The following ZFYVE28 variants were observed in gnomAD, a reference collection of about 807,000 sequenced individuals.
The protein encoded by ZFYVE28 is zinc finger FYVE-type containing 28.
In ZFYVE28, 40 loss-of-function variants were observed where a neutral mutation model predicts 82.1. The ratio of observed to expected loss-of-function variants is 0.49; its 90% CI spans 0.38 to 0.63. The LOEUF is 0.63. Among genes scored for constraint, ZFYVE28 ranks in the 30% least tolerant of loss-of-function variants. ZFYVE28 has a pLI of 0.00. For missense variants in ZFYVE28, 1,321 were observed against 1,242.1 expected (o/e 1.06, Z -0.96); for synonymous variants, 612 against 546.1 (o/e 1.12, Z -1.68).
intron 8 of ZFYVE28, among the ~76,000 whole-genome samples, chr4:2,274,478 G>A (rs566436217): frequency 6.6e-6 from 1 of 152,202 alleles, no homozygotes; most frequent in Non-Finnish European, 1.5e-5. Flanking sequence ...TCCTGGAATT[G>A]ACAGCTGGTG....
At position 2,366,684 on chromosome 4, in the gene ZFYVE28, G is replaced by A. The variant is rs146993044; in HGVS notation, c.40-12611C>T. Reference sequence around the variant, plus strand: ...CCTCTGCCCCTTGGGGCATGGCAAAGGGCCCCTTTATCACCTCAGTGTAGT... The same window carrying A: ...CCTCTGCCCCTTGGGGCATGGCAAAAGGCCCCTTTATCACCTCAGTGTAGT... On this transcript the variant is annotated intron_variant, in intron 1 of 12. Transcript: ENST00000290974. 4.3e-3 allele frequency among the ~76,000 whole-genome samples: 659 copies of A among 152,320 alleles called. 4 individuals carry two copies. The highest frequency in any genetic ancestry group is 0.015 in the African/African-American group (636 of 41,578).
chr4:2,397,912 G>A (rs1359326792), intron 1 of ZFYVE28, among the ~76,000 whole-genome samples: 1 of 152,048 alleles, frequency 6.6e-6, no homozygotes, highest in African/African-American at 2.4e-5. Context: ...AGGATGTGCG[G>A]AAGGATGTGC....
At chr4:2,403,450 C>G (rs1454206529) in intron 1 of ZFYVE28, among the ~76,000 whole-genome samples, 6 of 152,184 alleles carry the variant, frequency 3.9e-5, no homozygotes, top group Non-Finnish European at 8.8e-5. Context: ...TGGATCGTGG[C>G]GGGAGGACAT....
At position 2,405,394 on chromosome 4, in the gene ZFYVE28, T is replaced by A. The variant is rs892484055; in HGVS notation, c.39+12891A>T. On this transcript the variant is annotated intron_variant, in intron 1 of 12. Coordinates refer to ENST00000290974, the MANE Select transcript of ZFYVE28 (RefSeq NM_020972.3). ...ATTGGACCAAATTTGAGAAGACCAA[T>A]GGGACTTCCTTGGATTTCAGACGCT... 1.3e-3 allele frequency among the ~76,000 whole-genome samples: 196 copies of A among 152,338 alleles called. 2 individuals carry two copies. The highest frequency in any genetic ancestry group is 1.3e-3 in the African/African-American group (56 of 41,578).
intron 1 of ZFYVE28, among the ~76,000 whole-genome samples, chr4:2,398,387 G>A (rs1054915565): frequency 6.6e-6 from 1 of 152,348 alleles, no homozygotes; most frequent in East Asian, 1.9e-4. Context: ...CAGGAGCTAC[G>A]GAGTGGCAGC....
chr4:2,416,695 ACCACACCCAGCGC>A lies in ZFYVE28; in HGVS notation c.39+1577_39+1589del, dbSNP rs1378761554. Among the ~76,000 whole-genome samples, 2 of 152,276 alleles carry A rather than the reference ACCACACCCAGCGC, an allele frequency of 1.3e-5. No individual in the cohort carries two copies. Among genetic ancestry groups the A allele is most frequent in the South Asian group, 2.1e-4 (1 of 4,826 alleles). ...CTGGGCGCAGACGGCTCGGCCCCAA[ACCACACCCAGCGC>A]CAGGAAACGCAAGGCTCGGGACGAA... On this transcript the variant is annotated intron_variant, in intron 1 of 12. Coordinates refer to ENST00000290974, the MANE Select transcript of ZFYVE28 (RefSeq NM_020972.3). This position sits in a 1 kb window ranked among gnomAD's most constrained non-coding sequence, Gnocchi z 4.6.
chr4:2,277,936 G>T (rs1284557176), intron 8 of ZFYVE28, among the ~76,000 whole-genome samples: 2 of 152,226 alleles, frequency 1.3e-5, no homozygotes, highest in African/African-American at 4.8e-5. Flanking sequence ...AATGTGGCAT[G>T]AAAGAGCAGG....
chr4:2,415,583 A>G (rs1732958079), intron 1 of ZFYVE28, among the ~76,000 whole-genome samples: 1 of 152,202 alleles, frequency 6.6e-6, no homozygotes, highest in Non-Finnish European at 1.5e-5. Context: ...ACAAAGTGGG[A>G]AAAAAATTCC....
intron 8 of ZFYVE28, among the ~76,000 whole-genome samples, chr4:2,296,945 GCT>G (rs535747790): frequency 2.6e-5 from 4 of 152,316 alleles, no homozygotes; most frequent in East Asian, 1.9e-4. Context: ...GCCACTGAAG[GCT>G]CTGTCAGCCC....
At chr4:2,395,443 T>G (rs1730336978) in intron 1 of ZFYVE28, among the ~76,000 whole-genome samples, 1 of 152,152 alleles carries the variant, frequency 6.6e-6, no homozygotes, top group Non-Finnish European at 1.5e-5. Flanking sequence ...CCCAGGGGGA[T>G]CCCAACGCTC....
intron 8 of ZFYVE28, among the ~76,000 whole-genome samples, chr4:2,290,291 C>T (rs1455463870): frequency 1.3e-5 from 2 of 152,166 alleles, no homozygotes; most frequent in Non-Finnish European, 1.5e-5. Flanking sequence ...CTGCCTTCTC[C>T]GAGGAGCTGG....
chr4:2,350,899 G>A (rs536660613), intron 2 of ZFYVE28, among the ~76,000 whole-genome samples: 4 of 152,338 alleles, frequency 2.6e-5, no homozygotes, highest in South Asian at 2.1e-4. Flanking sequence ...GACCCTTCCC[G>A]ACCTTAGCCT....
intron 8 of ZFYVE28, 149 bp from the exon 9 acceptor site, chr4:2,274,365 G>A (rs1287943098): frequency 3.9e-6 from 4 of 1,015,636 alleles, no homozygotes; most frequent in Non-Finnish European, 5.6e-6. Flanking sequence ...CAACTTTCCT[G>A]TAACTTCACC....
chr4:2,418,350 G>C lies in ZFYVE28; in HGVS notation c.-27C>G. On this transcript the variant is annotated 5_prime_UTR_variant, in exon 1 of 13. Transcript: ENST00000290974. This position sits in a 1 kb window ranked among gnomAD's most constrained non-coding sequence, Gnocchi z 4.6. The stretch of plus-strand genomic sequence containing the variant: ...GCCGCGCCGGCCCTGGCCGGACTCC[G>C]GGCGGCCCTCGCCCTCCGCAGCGCT... 6.7e-7 allele frequency: 1 copy of C among 1,488,950 alleles called. No homozygotes were observed. The highest frequency in any genetic ancestry group is 9.0e-7 in the Non-Finnish European group (1 of 1,115,636). The allele number at this position is 1,488,950 out of a possible 1,614,324, so 92.2% of individuals were successfully genotyped here.
chr4:2,376,938 T>C (rs1054491681), intron 1 of ZFYVE28, among the ~76,000 whole-genome samples: 1 of 151,740 alleles, frequency 6.6e-6, no homozygotes, highest in Non-Finnish European at 1.5e-5. Context: ...AAAAAATAAA[T>C]AAATAAAATA....
intron 8 of ZFYVE28, among the ~76,000 whole-genome samples, chr4:2,279,643 T>TA (rs1711670752): frequency 1.3e-5 from 2 of 151,384 alleles, no homozygotes; most frequent in African/African-American, 4.9e-5. Flanking sequence ...TAGCCAGGCA[T>TA]GGTGGCGGGC....
intron 1 of ZFYVE28, among the ~76,000 whole-genome samples, chr4:2,364,233 G>C (rs4974679): frequency 0.096 from 14,558 of 152,208 alleles, 765 homozygotes; most frequent in East Asian, 0.12. Context: ...TGCCCACCCG[G>C]CCTGGCTGCA....
intron 8 of ZFYVE28, among the ~76,000 whole-genome samples, chr4:2,281,074 A>G (rs895462862): frequency 6.6e-6 from 1 of 152,174 alleles, no homozygotes; most frequent in Non-Finnish European, 1.5e-5. Context: ...GCCACAGGAA[A>G]GGCCCTCTCC....
rs1011963581 is a variant in ZFYVE28 at position 2,348,581 on chromosome 4, G to A, written c.180+5352C>T. Among the ~76,000 whole-genome samples, 6 of 152,200 alleles carry A rather than the reference G, an allele frequency of 3.9e-5. No individual in the cohort carries two copies. The East Asian group carries it at 5.8e-4, about 15-fold the overall frequency. On this transcript the variant is annotated intron_variant, in intron 2 of 12. Transcript: ENST00000290974. ...CGTAAAAGGATAATGTACCATGAAC[G>A]AGTGGGATTTATCCCAGGAATGCAG...
Sources: allele counts gnomAD v4.1 joint callset (sites outside exome capture counted in the v4.1 genomes callset), GRCh38; gene constraint gnomAD v4.1.1; non-coding constraint Gnocchi (gnomAD v3.1); transcripts MANE v1.5; gene names NCBI Gene and HGNC (gene_info 2026-07-23, HGNC 2026-07-21).